ZNF462: variants seen among roughly 807,000 people sequenced by gnomAD.
The protein encoded by ZNF462 is zinc finger PBX1-interacting protein.
A neutral mutation model predicts 201.9 loss-of-function variants in ZNF462; 10 were observed. That is an observed-to-expected ratio of 0.05 (90% confidence interval 0.03 to 0.08). The LOEUF is 0.08. Ranked by LOEUF, ZNF462 falls within the 10% of genes least tolerant of loss-of-function variation. The pLI is 1.00. For synonymous variants in ZNF462, 1,227 were observed against 1,193.3 expected (o/e 1.03, Z -0.58); for missense variants, 2,523 against 3,168.3 (o/e 0.80, Z 4.89).
At position 107,009,411 on chromosome 9, in the gene ZNF462, A is replaced by C; in HGVS notation, c.7190-134A>C. ...TAAGGGGGAAACCTAAGAAAAAGTG[A>C]GGAATCTGGAAATTGCTTTCACCAC... is the stretch of plus-strand genomic sequence containing the variant. On this transcript the variant is annotated intron_variant, in intron 11 of 12. Coordinates refer to ENST00000277225, the MANE Select transcript of ZNF462 (RefSeq NM_021224.6). This position sits in a 1 kb window ranked among gnomAD's most constrained non-coding sequence, Gnocchi z 6.1. 8.2e-7 allele frequency: 1 copy of C among 1,213,490 alleles called. No homozygotes were observed. The highest frequency in any genetic ancestry group is 1.1e-6 in the Non-Finnish European group (1 of 876,784). 75.2% of individuals were successfully genotyped at this position (1,213,490 alleles called of 1,614,324 possible). A position where few individuals can be genotyped will look rare whatever the true frequency, so the allele number is the denominator to read the frequency against.
At position 106,919,299 on chromosome 9, in the gene ZNF462, G is replaced by A. The variant is rs145005578; in HGVS notation, c.-30-4055G>A. ...TACAATGTCAACACCTCCCCGCTCC[G>A]GTTACGTCTGAGCAGTGAGTTGGAA... On this transcript the variant is annotated intron_variant, in intron 1 of 12. Coordinates refer to ENST00000277225, the MANE Select transcript of ZNF462 (RefSeq NM_021224.6). The surrounding 1 kb of genome is among the most constrained non-coding windows in gnomAD (Gnocchi z 4.5). 1.1e-4 allele frequency among the ~76,000 whole-genome samples: 17 copies of A among 152,296 alleles called. No individual in the cohort carries two copies. The East Asian group carries it at 2.5e-3, about 22-fold the overall frequency.
intron 1 of ZNF462, among the ~76,000 whole-genome samples, chr9:106,877,866 A>G (rs1827906114): frequency 6.6e-6 from 1 of 152,174 alleles, no homozygotes; most frequent in Admixed American, 6.5e-5. Context: ...GTAGAGATGT[A>G]GCTGTGGCTG....
chr9:106,980,956 C>A (rs1827381240), intron 9 of ZNF462, among the ~76,000 whole-genome samples: 1 of 152,214 alleles, frequency 6.6e-6, no homozygotes, highest in Non-Finnish European at 1.5e-5. Context: ...CAGTTTTTAA[C>A]TTTTATGTCT....
intron 5 of ZNF462, among the ~76,000 whole-genome samples, chr9:106,934,140 C>G (rs950994139): frequency 6.6e-6 from 1 of 151,948 alleles, no homozygotes; most frequent in Non-Finnish European, 1.5e-5. Flanking sequence ...ATTCTCAAAA[C>G]TCTCCTATAA....
rs115212640 is a variant in ZNF462 at position 106,897,186 on chromosome 9, G to T, written c.-30-26168G>T. 7.1e-3 allele frequency among the ~76,000 whole-genome samples: 1,078 copies of T among 152,036 alleles called. 11 individuals carry two copies. Among genetic ancestry groups the T allele is most frequent in the African/African-American group, 0.025 (1,026 of 41,442 alleles). On this transcript the variant is annotated intron_variant, in intron 1 of 12. Transcript: ENST00000277225. ...GAAAACTTCACCAGTAAAAGTTTAG[G>T]GTATATGGCTTCTGGTCATTTTTCT...
intron 1 of ZNF462, among the ~76,000 whole-genome samples, chr9:106,887,936 A>G (rs1828393695): frequency 6.6e-6 from 1 of 152,226 alleles, no homozygotes; most frequent in Non-Finnish European, 1.5e-5. Context: ...AGCTGTTGTG[A>G]AGATGAATGT....
chr9:106,895,392 C>T lies in ZNF462; in HGVS notation c.-30-27962C>T, dbSNP rs555321096. Among the ~76,000 whole-genome samples, 2 of 152,232 alleles carry T rather than the reference C, an allele frequency of 1.3e-5. No homozygotes were observed. Among genetic ancestry groups the T allele is most frequent in the African/African-American group, 2.4e-5 (1 of 41,542 alleles). ...CCCCTCCTCTTCATCCCCAGTGCGT[C>T]GTCTGGCCCAGGCTTCCTTTATCTC... On this transcript the variant is annotated intron_variant, in intron 1 of 12. Transcript: ENST00000277225. The surrounding 1 kb of genome is among the most constrained non-coding windows in gnomAD (Gnocchi z 4.4).
At chr9:106,955,961 C>T (rs1831554633) in intron 7 of ZNF462, among the ~76,000 whole-genome samples, 3 of 152,108 alleles carry the variant, frequency 2.0e-5, no homozygotes, top group Admixed American at 2.0e-4. Flanking sequence ...CAGTCTTAAA[C>T]CCCTCAAAGT....
At chr9:106,910,799 G>A (rs765795288) in intron 1 of ZNF462, among the ~76,000 whole-genome samples, 1 of 152,120 alleles carries the variant, frequency 6.6e-6, no homozygotes, top group African/African-American at 2.4e-5. Flanking sequence ...TTAGCCTAAA[G>A]CATATATCCT....
intron 7 of ZNF462, among the ~76,000 whole-genome samples, chr9:106,953,007 C>G (rs1831419636): frequency 6.6e-6 from 1 of 152,124 alleles, no homozygotes; most frequent in African/African-American, 2.4e-5. Context: ...TGTTTTTCCC[C>G]AGGCAAATCT....
intron 10 of ZNF462, among the ~76,000 whole-genome samples, chr9:106,986,590 A>G (rs1246403087): frequency 6.6e-6 from 1 of 152,112 alleles, no homozygotes; most frequent in Admixed American, 6.6e-5. Flanking sequence ...CACTAATTAT[A>G]CTTTGCATCT....
intron 7 of ZNF462, among the ~76,000 whole-genome samples, chr9:106,944,635 G>T (rs1035037954): frequency 1.3e-5 from 2 of 152,020 alleles, no homozygotes; most frequent in African/African-American, 2.4e-5. Context: ...GTTTATTCTA[G>T]TTATCTTAAG....
At chr9:106,965,178 G>T (rs907519131) in intron 7 of ZNF462, among the ~76,000 whole-genome samples, 1 of 152,044 alleles carries the variant, frequency 6.6e-6, no homozygotes, top group Non-Finnish European at 1.5e-5. Flanking sequence ...GAATTTGCCA[G>T]GGAAAAAGAA....
At position 106,977,822 on chromosome 9, in the gene ZNF462, T is replaced by C. The variant is rs150835927; in HGVS notation, c.6832+3549T>C. Among the ~76,000 whole-genome samples the C allele has an allele frequency of 1.2e-3, 180 of 151,670 alleles. 13 individuals are homozygous for C. The highest frequency in any genetic ancestry group is 4.2e-3 in the African/African-American group (172 of 40,952). On this transcript the variant is annotated intron_variant, in intron 9 of 12. Transcript: ENST00000277225. The surrounding 1 kb of genome is among the most constrained non-coding windows in gnomAD (Gnocchi z 4.6). ...AGGGCATATTAGTTTGCAAGGACTA[T>C]TGTAACAAGTGACCACCAAATGTGT...
chr9:106,884,489 A>C (rs540510447), intron 1 of ZNF462, among the ~76,000 whole-genome samples: 9 of 152,254 alleles, frequency 5.9e-5, no homozygotes, highest in African/African-American at 2.2e-4. Context: ...TGAGTGATTT[A>C]GGTTTGGGAA....
rs1044415417 is a variant in ZNF462, at chr9:107,005,146, G to C, written c.7189+1720G>C. On this transcript the variant is annotated intron_variant, in intron 11 of 12. Transcript: ENST00000277225. This position sits in a 1 kb window ranked among gnomAD's most constrained non-coding sequence, Gnocchi z 4.4. Reference sequence around the variant, plus strand: ...GACACCTAGCTTGATTACTTATCTTGGTTATTATGAATAACCCTGCAGTGA... The same window carrying C: ...GACACCTAGCTTGATTACTTATCTTCGTTATTATGAATAACCCTGCAGTGA... 6.6e-6 allele frequency among the ~76,000 whole-genome samples: 1 copy of C among 151,712 alleles called. No homozygotes were observed. Among genetic ancestry groups the C allele is most frequent in the African/African-American group, 2.4e-5 (1 of 41,270 alleles).
intron 7 of ZNF462, among the ~76,000 whole-genome samples, chr9:106,949,248 C>T (rs1831236290): frequency 6.6e-6 from 1 of 152,184 alleles, no homozygotes; most frequent in South Asian, 2.1e-4. Flanking sequence ...TGTGTGCTCT[C>T]CGAGGTCAGG....
At chr9:106,995,800 G>A (rs1466735428) in intron 10 of ZNF462, 1 of 152,046 alleles carries the variant, frequency 6.6e-6, no homozygotes, top group Non-Finnish European at 1.5e-5. Flanking sequence ...TTCATGGGAT[G>A]CAAATCTTAT....
intron 10 of ZNF462, among the ~76,000 whole-genome samples, chr9:106,995,089 TTGAC>T (rs1186865801): frequency 3.5e-4 from 53 of 152,306 alleles, no homozygotes; most frequent in African/African-American, 1.2e-3. Context: ...GTCCAGGAGA[TTGAC>T]AGCTGCTTAA....
Sources: allele counts gnomAD v4.1 joint callset (sites outside exome capture counted in the v4.1 genomes callset), GRCh38; gene constraint gnomAD v4.1.1; non-coding constraint Gnocchi (gnomAD v3.1); transcripts MANE v1.5; gene names NCBI Gene and HGNC (gene_info 2026-07-23, HGNC 2026-07-21).